Variants in UBL3 observed in about 807,000 individuals in gnomAD.
UBL3 encodes the protein ubiquitin-like protein 3.
Under a neutral mutation model 18.4 loss-of-function variants are expected in UBL3, and 6 were observed. The ratio of observed to expected loss-of-function variants is 0.33; its 90% CI spans 0.18 to 0.64. The LOEUF is 0.64. Among genes scored for constraint, UBL3 ranks in the 30% least tolerant of loss-of-function variants. The pLI is 0.76. For missense variants in UBL3, 109 were observed against 142.9 expected (o/e 0.76, Z 1.21); for synonymous variants, 49 against 46.6 (o/e 1.05, Z -0.21).
intron 1 of UBL3, among the ~76,000 whole-genome samples, chr13:29,826,643 GATT>G (rs1288417266): frequency 6.6e-6 from 1 of 152,064 alleles, no homozygotes; most frequent in African/African-American, 2.4e-5. Flanking sequence ...CCAGCTCCTG[GATT>G]ATTGATTTTT....
At chr13:29,788,242 C>A (rs985235319) in intron 1 of UBL3, among the ~76,000 whole-genome samples, 2 of 152,180 alleles carry the variant, frequency 1.3e-5, no homozygotes, top group East Asian at 1.9e-4. Flanking sequence ...TCCACAATAT[C>A]CCCTTTGAGA....
At chr13:29,826,185 T>C (rs1032024775) in intron 1 of UBL3, among the ~76,000 whole-genome samples, 5 of 152,204 alleles carry the variant, frequency 3.3e-5, no homozygotes, top group Admixed American at 2.0e-4. Context: ...CTGCCGGACT[T>C]TGGTGTCAGG....
At chr13:29,838,410 A>C (rs892411492) in intron 1 of UBL3, among the ~76,000 whole-genome samples, 4 of 152,202 alleles carry the variant, frequency 2.6e-5, no homozygotes, top group African/African-American at 9.6e-5. Context: ...TGAAATGAGC[A>C]ATGATTATTT....
rs895479923 is a variant in UBL3 at position 29,765,361 on chromosome 13, A to C, written c.*1894T>G. On this transcript the variant is annotated 3_prime_UTR_variant, in exon 5 of 5. Coordinates refer to ENST00000380680, the MANE Select transcript of UBL3 (RefSeq NM_007106.4). The stretch of plus-strand genomic sequence containing the variant: ...ATTTCAGCTAGTCAACAAAGCATAT[A>C]AATATTTAACATCTCTTGAAGATAA... 8 of 152,194 alleles carry C rather than the reference A, an allele frequency of 5.3e-5. No homozygotes were observed. Among genetic ancestry groups the C allele is most frequent in the African/African-American group, 1.4e-4 (6 of 41,468 alleles). 9.4% of individuals were successfully genotyped at this position (152,194 alleles called of 1,614,324 possible).
intron 1 of UBL3, among the ~76,000 whole-genome samples, chr13:29,825,738 T>C (rs1030957789): frequency 5.9e-5 from 9 of 152,240 alleles, no homozygotes; most frequent in South Asian, 2.1e-4. Flanking sequence ...CTATGTTGAA[T>C]AGAAGTGGTG....
intron 1 of UBL3, among the ~76,000 whole-genome samples, chr13:29,797,337 G>T (rs2139329526): frequency 6.6e-6 from 1 of 152,266 alleles, no homozygotes; most frequent in South Asian, 2.1e-4. Flanking sequence ...ACTAAAATGT[G>T]ATTTGAAGGT....
rs958797588 is a variant in UBL3 at position 29,766,593 on chromosome 13, T to C, written c.*662A>G. On this transcript the variant is annotated 3_prime_UTR_variant, in exon 5 of 5. Transcript: ENST00000380680. ...GTGCATGTCTTAAAGGAAAAAAAAT[T>C]AGTTTCATCAGCCCTCTACTGAGTG... is the stretch of plus-strand genomic sequence containing the variant. 1 of 152,586 alleles carries C rather than the reference T, an allele frequency of 6.6e-6. No individual in the cohort carries two copies. The highest frequency in any genetic ancestry group is 1.5e-5 in the Non-Finnish European group (1 of 68,002). 9.5% of individuals were successfully genotyped at this position (152,586 alleles called of 1,614,324 possible).
In UBL3 at chr13:29,843,058, A is replaced by G. The variant is rs544717967; in HGVS notation, c.27+6454T>C. ...GTAGGCACACTGATCACAGGAAAAA[A>G]CAGCTGCTCAACAAGGCAGGAGACA... On this transcript the variant is annotated intron_variant, in intron 1 of 4. Transcript: ENST00000380680. 5.3e-5 allele frequency among the ~76,000 whole-genome samples: 8 copies of G among 152,314 alleles called. No homozygotes were observed. In the South Asian group the frequency reaches 1.7e-3, roughly 32 times the overall value.
At chr13:29,826,015 C>A (rs189403351) in intron 1 of UBL3, among the ~76,000 whole-genome samples, 1 of 152,194 alleles carries the variant, frequency 6.6e-6, no homozygotes, top group East Asian at 1.9e-4. Context: ...TTTGCATATG[C>A]TGAACCAGCC....
chr13:29,819,479 A>C (rs1179528268), intron 1 of UBL3, among the ~76,000 whole-genome samples: 2 of 152,246 alleles, frequency 1.3e-5, no homozygotes, highest in African/African-American at 4.8e-5. Flanking sequence ...AGATTGTTAC[A>C]ATGGTACTTC....
intron 1 of UBL3, among the ~76,000 whole-genome samples, chr13:29,806,608 T>G (rs1429457089): frequency 6.6e-6 from 1 of 152,160 alleles, no homozygotes; most frequent in African/African-American, 2.4e-5. Flanking sequence ...GTGCCATATA[T>G]TTACTGACCC....
intron 1 of UBL3, among the ~76,000 whole-genome samples, chr13:29,828,918 G>C (rs1256030458): frequency 6.6e-6 from 1 of 152,214 alleles, no homozygotes; most frequent in Non-Finnish European, 1.5e-5. Flanking sequence ...CGGAAGGTCT[G>C]TTGTAGTTTG....
intron 1 of UBL3, among the ~76,000 whole-genome samples, chr13:29,791,226 TTCTC>T (rs1344409731): frequency 1.3e-5 from 2 of 152,166 alleles, no homozygotes; most frequent in African/African-American, 4.8e-5. Context: ...TTCTTTCAAA[TTCTC>T]TCTGTCAGTT....
At position 29,837,915 on chromosome 13, in the gene UBL3, C is replaced by CAATAATAACAATAAT. The variant is rs1878998077; in HGVS notation, c.27+11596_27+11597insATTATTGTTATTATT. ...ACTGCACACCAGCAAGACTCTGTCTCAATAATAATAATAATAATAATAATA... is the reference window on the plus strand; with the variant it reads ...ACTGCACACCAGCAAGACTCTGTCTCAATAATAACAATAATAATAATAATAATAATAATAATAATA... On this transcript the variant is annotated intron_variant, in intron 1 of 4. Transcript: ENST00000380680. Among the ~76,000 whole-genome samples the CAATAATAACAATAAT allele has an allele frequency of 2.1e-5, 3 of 141,502 alleles. No homozygotes were observed. In the Admixed American group the frequency reaches 2.1e-4, roughly 10 times the overall value. The allele number at this position is 141,502 out of a possible 152,430, so 92.8% of individuals were successfully genotyped here.
rs562377121 is a variant in UBL3, at chr13:29,767,023, A to G, written c.*232T>C. ...GGAGATTGACTGCATTCAAAAACCA[A>G]TATGTGTTAAAACAGCTCAACAAAA... is the stretch of plus-strand genomic sequence containing the variant. On this transcript the variant is annotated 3_prime_UTR_variant, in exon 5 of 5. Transcript: ENST00000380680. 5.5e-4 allele frequency: 202 copies of G among 368,230 alleles called. 1 individual carries two copies. The highest frequency in any genetic ancestry group is 3.8e-3 in the African/African-American group (183 of 47,788). 22.8% of individuals were successfully genotyped at this position (368,230 alleles called of 1,614,324 possible).
chr13:29,850,039 G>T lies in UBL3; in HGVS notation c.-501C>A, dbSNP rs1032656044. Reference sequence around the variant, plus strand: ...GACGCGTGAGCCTTGAGTGGCGGCCGAGCGGTGGCCGGACGCTGGCCGCGG... The same window carrying T: ...GACGCGTGAGCCTTGAGTGGCGGCCTAGCGGTGGCCGGACGCTGGCCGCGG... On this transcript the variant is annotated 5_prime_UTR_variant, in exon 1 of 5. Coordinates refer to ENST00000380680, the MANE Select transcript of UBL3 (RefSeq NM_007106.4). 1 of 154,060 alleles carries T rather than the reference G, an allele frequency of 6.5e-6. No individual in the cohort carries two copies. The highest frequency in any genetic ancestry group is 1.4e-5 in the Non-Finnish European group (1 of 69,176). The allele number at this position is 154,060 out of a possible 1,614,324, so 9.5% of individuals were successfully genotyped here. A position where few individuals can be genotyped will look rare whatever the true frequency, so the allele number is the denominator to read the frequency against.
chr13:29,778,428 G>T (rs1321622085), intron 1 of UBL3, among the ~76,000 whole-genome samples: 1 of 151,980 alleles, frequency 6.6e-6, no homozygotes, highest in African/African-American at 2.4e-5. Context: ...TATTACTCCT[G>T]GCCTTTGTTA....
intron 1 of UBL3, among the ~76,000 whole-genome samples, chr13:29,823,300 G>A (rs922181098): frequency 1.3e-5 from 2 of 152,154 alleles, no homozygotes; most frequent in East Asian, 1.9e-4. Flanking sequence ...GCGCCACCAC[G>A]CCCGGCTAAT....
rs1393453040 is a variant in UBL3, at chr13:29,767,180, A to T, written c.*75T>A. 5 of 1,550,952 alleles carry T rather than the reference A, an allele frequency of 3.2e-6. No individual in the cohort carries two copies. The highest frequency in any genetic ancestry group is 4.4e-6 in the Non-Finnish European group (5 of 1,129,056). On this transcript the variant is annotated 3_prime_UTR_variant, in exon 5 of 5. Transcript: ENST00000380680. The stretch of plus-strand genomic sequence containing the variant: ...GCAGACTGTTCTGAACGGTTTCTGA[A>T]GCAATGTCGGGTCTTTTCTGTCCCA...
Sources: allele counts gnomAD v4.1 joint callset (sites outside exome capture counted in the v4.1 genomes callset), GRCh38; gene constraint gnomAD v4.1.1; transcripts MANE v1.5; gene names NCBI Gene and HGNC (gene_info 2026-07-23, HGNC 2026-07-21).